DTNB: variants seen among roughly 807,000 people sequenced by gnomAD.
DTNB encodes the protein dystrobrevin beta.
DTNB carries 63 observed loss-of-function variants against 90.7 expected under a neutral mutation model. That is an observed-to-expected ratio of 0.69 (90% CI 0.57 to 0.86). The LOEUF (loss-of-function observed/expected upper bound fraction) is 0.86. Ranked by LOEUF, DTNB falls within the 40% of genes least tolerant of loss-of-function variation. The pLI, the probability that DTNB is intolerant of heterozygous loss-of-function variation, is 0.00. For synonymous variants in DTNB, 277 were observed against 286.7 expected (o/e 0.97, Z 0.34); for missense variants, 744 against 807.1 (o/e 0.92, Z 0.95).
intron 15 of DTNB, among the ~76,000 whole-genome samples, chr2:25,420,352 G>T (rs17802463): frequency 0.2 from 29,044 of 143,100 alleles, 3,529 homozygotes; most frequent in Non-Finnish European, 0.27. Context: ...GACCCTGAAA[G>T]GTCATTCAAA....
intron 8 of DTNB, among the ~76,000 whole-genome samples, chr2:25,576,213 A>G (rs2148129081): frequency 6.7e-6 from 1 of 149,446 alleles, no homozygotes; most frequent in South Asian, 2.1e-4. Flanking sequence ...ATCCCCTTGA[A>G]CAGTTTTGTT....
At chr2:25,456,305 C>A (rs2060018486) in intron 10 of DTNB, among the ~76,000 whole-genome samples, 1 of 152,186 alleles carries the variant, frequency 6.6e-6, no homozygotes, top group Non-Finnish European at 1.5e-5. Flanking sequence ...AAGCAAACCC[C>A]AGGCAATTAT....
At chr2:25,419,733 C>A (rs775560935) in intron 15 of DTNB, among the ~76,000 whole-genome samples, 198 bp from the exon 16 acceptor site, 13 of 152,052 alleles carry the variant, frequency 8.5e-5, no homozygotes, top group African/African-American at 2.4e-4. Flanking sequence ...GGCCTCGGCC[C>A]GGTGAGTGAT....
chr2:25,631,916 C>A (rs2075833812), intron 3 of DTNB, among the ~76,000 whole-genome samples: 1 of 152,084 alleles, frequency 6.6e-6, no homozygotes, highest in African/African-American at 2.4e-5. Flanking sequence ...CATCCTTGGC[C>A]GGGCACAGTG....
At chr2:25,575,135 C>T (rs1015469775) in intron 8 of DTNB, among the ~76,000 whole-genome samples, 5 of 151,550 alleles carry the variant, frequency 3.3e-5, no homozygotes, top group South Asian at 2.1e-4. Flanking sequence ...CCCCAACATC[C>T]GGAATAAGAA....
intron 8 of DTNB, among the ~76,000 whole-genome samples, chr2:25,537,662 GATA>G (rs896678568): frequency 3.3e-5 from 5 of 152,178 alleles, no homozygotes; most frequent in Non-Finnish European, 5.9e-5. Context: ...AGTGAATTTT[GATA>G]ATGAGTTAGT....
chr2:25,580,876 A>C, intron 6 of DTNB, 50 bp from the exon 7 acceptor site: 4 of 1,501,542 alleles, frequency 2.7e-6, no homozygotes, highest in Non-Finnish European at 3.6e-6. Flanking sequence ...AGGAATCTCC[A>C]AACTCCAAGT....
At chr2:25,492,930 C>T (rs993450175) in intron 9 of DTNB, among the ~76,000 whole-genome samples, 3 of 152,168 alleles carry the variant, frequency 2.0e-5, no homozygotes, top group Non-Finnish European at 4.4e-5. Flanking sequence ...CAGAGCTGTC[C>T]CTTTTCCCCA....
intron 9 of DTNB, among the ~76,000 whole-genome samples, chr2:25,526,395 A>ATATATATTTTTTTTTT: frequency 6.0e-5 from 3 of 49,858 alleles, no homozygotes; most frequent in African/African-American, 2.0e-4. Flanking sequence ...ATATATATAT[A>ATATATATTTTTTTTTT]TTTTTTTTTT....
chr2:25,405,022 C>G (rs938603976), intron 16 of DTNB, among the ~76,000 whole-genome samples: 8 of 152,140 alleles, frequency 5.3e-5, no homozygotes, highest in African/African-American at 1.9e-4. Flanking sequence ...TGGCTCACCA[C>G]AGCCTTGACC....
intron 8 of DTNB, among the ~76,000 whole-genome samples, chr2:25,548,471 G>A (rs1040128654): frequency 2.6e-5 from 4 of 151,890 alleles, no homozygotes; most frequent in African/African-American, 9.7e-5. Context: ...GGTCAGGGAG[G>A]CTTCTTCCTA....
chr2:25,517,814 C>A (rs141139485), intron 9 of DTNB, among the ~76,000 whole-genome samples: 1 of 152,096 alleles, frequency 6.6e-6, no homozygotes. Flanking sequence ...ATCTTACCAA[C>A]GGTGGATGAA....
chr2:25,460,913 T>C (rs891726218), intron 10 of DTNB, among the ~76,000 whole-genome samples: 3 of 151,776 alleles, frequency 2.0e-5, no homozygotes, highest in African/African-American at 7.3e-5. Flanking sequence ...TTTTTTTTTT[T>C]TTGAGACGGA....
At chr2:25,436,227 T>C (rs973991653) in intron 12 of DTNB, among the ~76,000 whole-genome samples, 2 of 151,768 alleles carry the variant, frequency 1.3e-5, no homozygotes, top group Admixed American at 6.6e-5. Context: ...CTCAGCTACT[T>C]GGGAGGCTGA....
chr2:25,564,324 G>A (rs1197799946), intron 8 of DTNB, among the ~76,000 whole-genome samples: 1 of 152,112 alleles, frequency 6.6e-6, no homozygotes, highest in African/African-American at 2.4e-5. Context: ...CATTTTAAAT[G>A]TTAAGTCTTC....
intron 15 of DTNB, among the ~76,000 whole-genome samples, chr2:25,423,350 C>T (rs564691865): frequency 9.2e-5 from 14 of 152,038 alleles, no homozygotes; most frequent in Non-Finnish European, 1.6e-4. Flanking sequence ...TAATTTTAAC[C>T]CTGCTTTATT....
At chr2:25,558,444 G>C in intron 8 of DTNB, 1 of 982,614 alleles carries the variant, frequency 1.0e-6, no homozygotes. Flanking sequence ...GTTGACAAAA[G>C]GGCTGTGGCT....
At chr2:25,508,571 G>A (rs924066891) in intron 9 of DTNB, among the ~76,000 whole-genome samples, 1 of 122,540 alleles carries the variant, frequency 8.2e-6, no homozygotes, top group African/African-American at 3.5e-5. Context: ...TTTCGCTCTT[G>A]TTGCCCACAC....
At chr2:25,622,218 G>A (rs1180510566) in intron 4 of DTNB, among the ~76,000 whole-genome samples, 4 of 152,178 alleles carry the variant, frequency 2.6e-5, no homozygotes, top group East Asian at 3.9e-4. Context: ...AGTGGCTTAT[G>A]GCTGTATTCA....
Sources: allele counts gnomAD v4.1 joint callset (sites outside exome capture counted in the v4.1 genomes callset), GRCh38; gene constraint gnomAD v4.1.1; transcripts MANE v1.5; gene names NCBI Gene and HGNC (gene_info 2026-07-23, HGNC 2026-07-21).